BEND7: variants seen among roughly 807,000 people sequenced by gnomAD.
BEND7 encodes the protein BEN domain-containing protein 7.
BEND7 carries 28 observed loss-of-function variants against 50.9 expected under a neutral mutation model. The observed-to-expected ratio is 0.55, with a 90% CI of 0.41 to 0.75. The LOEUF (loss-of-function observed/expected upper bound fraction) is 0.75. Ranked by LOEUF, BEND7 falls within the 30% of genes least tolerant of loss-of-function variation. BEND7 has a pLI of 0.00. For synonymous variants in BEND7, 170 were observed against 183.9 expected, an observed-to-expected ratio of 0.92 and a Z score of 0.61; for missense variants, 477 against 491.3, an observed-to-expected ratio of 0.97 and a Z score of 0.28.
At chr10:13,514,807 T>C (rs1281238144) in intron 2 of BEND7, among the ~76,000 whole-genome samples, 2 of 152,236 alleles carry the variant, frequency 1.3e-5, no homozygotes, top group Non-Finnish European at 2.9e-5. Context: ...GAGAATGAGT[T>C]AATGCAACAG....
chr10:13,514,450 G>C lies in BEND7; in HGVS notation c.145+11688C>G, dbSNP rs140572125. Reference sequence around the variant, plus strand: ...AATTCGGCCACATCTTCCCATGAAAGCCTTCCCCGAGGGACATGTCTCATC... The same window carrying C: ...AATTCGGCCACATCTTCCCATGAAACCCTTCCCCGAGGGACATGTCTCATC... On this transcript the variant is annotated intron_variant, in intron 2 of 8. Coordinates refer to ENST00000466271, the MANE Select transcript of BEND7 (RefSeq NM_001369863.1). 2.3e-3 allele frequency among the ~76,000 whole-genome samples: 347 copies of C among 152,290 alleles called. 1 individual carries two copies. Among genetic ancestry groups the C allele is most frequent in the African/African-American group, 8.2e-3 (340 of 41,562 alleles).
intron 6 of BEND7, among the ~76,000 whole-genome samples, chr10:13,469,949 G>C (rs773687891): frequency 6.6e-6 from 1 of 152,156 alleles, no homozygotes; most frequent in Non-Finnish European, 1.5e-5. Flanking sequence ...TAGTCAATAC[G>C]TGTTATGGAA....
intron 6 of BEND7, among the ~76,000 whole-genome samples, chr10:13,468,201 A>G (rs768020254): frequency 2.6e-5 from 4 of 152,210 alleles, no homozygotes; most frequent in Non-Finnish European, 4.4e-5. Context: ...TAAGCAGTCT[A>G]AAGGCAGTAA....
intron 6 of BEND7, among the ~76,000 whole-genome samples, chr10:13,480,179 C>G (rs2075757946): frequency 6.6e-6 from 1 of 152,184 alleles, no homozygotes; most frequent in Non-Finnish European, 1.5e-5. Flanking sequence ...CATCAGATTG[C>G]TTAATATGGG....
chr10:13,520,493 G>C (rs962790909), intron 2 of BEND7, among the ~76,000 whole-genome samples: 27 of 152,106 alleles, frequency 1.8e-4, no homozygotes, highest in African/African-American at 6.5e-4. Context: ...GCTTTGCCTT[G>C]ATTCTAGGCC....
intron 8 of BEND7, chr10:13,446,903 C>A (rs184451257): frequency 1.7e-5 from 5 of 301,242 alleles, no homozygotes; most frequent in Admixed American, 1.0e-4. Flanking sequence ...GACAGCCTAG[C>A]CATGAATTTG....
intron 2 of BEND7, among the ~76,000 whole-genome samples, chr10:13,521,120 A>G (rs572078025): frequency 1.3e-5 from 2 of 151,470 alleles, no homozygotes; most frequent in South Asian, 4.2e-4. Flanking sequence ...GAGGAATGTG[A>G]AATGCACGTA....
intron 6 of BEND7, among the ~76,000 whole-genome samples, chr10:13,474,362 T>C (rs940056043): frequency 1.3e-5 from 2 of 150,010 alleles, no homozygotes; most frequent in Non-Finnish European, 3.0e-5. Context: ...GACTGTTAGA[T>C]TTGGGGTCGA....
downstream of BEND7, chr10:13,441,021 A>G (rs1264002019): frequency 1.2e-6 from 1 of 828,812 alleles, no homozygotes; most frequent in African/African-American, 1.9e-5. Context: ...CTTTTAATTA[A>G]TGAACAGCAC....
At chr10:13,489,631 C>A (rs1430575181) in intron 5 of BEND7, among the ~76,000 whole-genome samples, 1 of 152,050 alleles carries the variant, frequency 6.6e-6, no homozygotes, top group African/African-American at 2.4e-5. Flanking sequence ...TAACGTGTAT[C>A]CTGTTTGTAT....
chr10:13,510,704 CA>C (rs1437853916), intron 2 of BEND7, among the ~76,000 whole-genome samples: 1 of 152,036 alleles, frequency 6.6e-6, no homozygotes, highest in African/African-American at 2.4e-5. Context: ...TGCCTGGTTC[CA>C]AATAGGCAGT....
chr10:13,458,814 G>A (rs901135612), intron 6 of BEND7, among the ~76,000 whole-genome samples: 4 of 152,028 alleles, frequency 2.6e-5, no homozygotes, highest in African/African-American at 9.7e-5. Context: ...CAGGCAGCCC[G>A]CCCACACATC....
intron 6 of BEND7, among the ~76,000 whole-genome samples, chr10:13,472,428 G>A (rs1233856360): frequency 4.6e-5 from 7 of 151,478 alleles, no homozygotes; most frequent in Admixed American, 1.3e-4. Context: ...TGTTAAACTC[G>A]GGGCTGATAT....
intron 2 of BEND7, among the ~76,000 whole-genome samples, chr10:13,505,154 C>T (rs2077778818): frequency 6.6e-6 from 1 of 152,252 alleles, no homozygotes; most frequent in African/African-American, 2.4e-5. Context: ...AGAAGCAAGG[C>T]TCTGTCACCC....
chr10:13,448,415 T>C (rs1323478774), intron 7 of BEND7, among the ~76,000 whole-genome samples: 1 of 152,198 alleles, frequency 6.6e-6, no homozygotes. Flanking sequence ...CTTGTGAGGC[T>C]GTTGAATGAG....
chr10:13,440,675 G>A (rs975347575), downstream of BEND7, among the ~76,000 whole-genome samples: 4 of 152,262 alleles, frequency 2.6e-5, no homozygotes, highest in African/African-American at 9.6e-5. Context: ...TCAAAGAGGG[G>A]AAGCGAGCGA....
At chr10:13,516,048 A>T (rs966863368) in intron 2 of BEND7, among the ~76,000 whole-genome samples, 12 of 152,198 alleles carry the variant, frequency 7.9e-5, no homozygotes, top group African/African-American at 2.7e-4. Context: ...TGATAACTGG[A>T]GGCACATTAC....
Position 13,441,244 on chromosome 10 carries a change from A to G in BEND7, c.*499T>C. 1 of 904,896 alleles carries G rather than the reference A, an allele frequency of 1.1e-6. No homozygotes were observed. The highest frequency in any genetic ancestry group is 1.3e-6 in the Non-Finnish European group (1 of 756,702). 56.1% of individuals were successfully genotyped at this position (904,896 alleles called of 1,614,324 possible). ...GTAATTTTAAAAAATCTAAATATTTACATATTAATAAAACATATATACAGA... is the reference window on the plus strand; with the variant it reads ...GTAATTTTAAAAAATCTAAATATTTGCATATTAATAAAACATATATACAGA... On this transcript the variant is annotated 3_prime_UTR_variant, in exon 9 of 9. Transcript: ENST00000466271.
chr10:13,466,160 G>A (rs1015186449), intron 6 of BEND7, among the ~76,000 whole-genome samples: 6 of 151,620 alleles, frequency 4.0e-5, no homozygotes, highest in Non-Finnish European at 8.8e-5. Context: ...TGGTTACGTC[G>A]TATTTACTAA....
Sources: gnomAD v4.1 joint callset for allele counts (sites outside exome capture counted in the v4.1 genomes callset) on GRCh38, gnomAD v4.1.1 for gene constraint, MANE v1.5 for transcripts, NCBI Gene and HGNC (gene_info 2026-07-23, HGNC 2026-07-21) for gene names.